GPR137C: variants seen among roughly 807,000 people sequenced by gnomAD.
The protein encoded by GPR137C is integral membrane protein GPR137C.
Under a neutral mutation model 43.4 loss-of-function variants are expected in GPR137C, and 27 were observed. That is an observed-to-expected ratio of 0.62 (90% confidence interval 0.46 to 0.86). GPR137C has a LOEUF of 0.86. GPR137C is among the 40% of genes least tolerant of loss of function. The probability of loss-of-function intolerance (pLI) is 0.00; values close to 1 mark genes in which losing one functional copy is unlikely to be tolerated. For synonymous variants in GPR137C, 285 were observed against 226.9 expected, an observed-to-expected ratio of 1.26 and a Z score of -2.30; for missense variants, 522 against 534.6, an observed-to-expected ratio of 0.98 and a Z score of 0.23.
chr14:52,556,694 A>G (rs2038200038), intron 1 of GPR137C, among the ~76,000 whole-genome samples: 2 of 152,142 alleles, frequency 1.3e-5, no homozygotes. Flanking sequence ...TCTATCTACC[A>G]TTAGAACATA....
At chr14:52,627,819 G>C (rs1479694915) in intron 3 of GPR137C, among the ~76,000 whole-genome samples, 1 of 152,052 alleles carries the variant, frequency 6.6e-6, no homozygotes, top group East Asian at 1.9e-4. Flanking sequence ...ACTCCAGCCT[G>C]GCGACAGAGC....
intron 1 of GPR137C, among the ~76,000 whole-genome samples, chr14:52,593,464 C>T (rs964974274): frequency 6.6e-6 from 1 of 152,034 alleles, no homozygotes; most frequent in Non-Finnish European, 1.5e-5. Context: ...TGGTCCTGGA[C>T]GTTTTTTGGT....
intron 1 of GPR137C, among the ~76,000 whole-genome samples, chr14:52,579,179 G>A (rs920927613): frequency 1.3e-5 from 2 of 152,134 alleles, no homozygotes; most frequent in African/African-American, 4.8e-5. Context: ...AGAGGGTTGG[G>A]GTGGGGGAGA....
chr14:52,591,318 T>A (rs1334499298), intron 1 of GPR137C, among the ~76,000 whole-genome samples: 1 of 152,232 alleles, frequency 6.6e-6, no homozygotes, highest in Non-Finnish European at 1.5e-5. Flanking sequence ...TATAGTAGCA[T>A]GGTTTATAAT....
chr14:52,595,778 C>T (rs956472477), intron 1 of GPR137C, among the ~76,000 whole-genome samples: 1 of 152,100 alleles, frequency 6.6e-6, no homozygotes, highest in Non-Finnish European at 1.5e-5. Context: ...TCCTTTAGCT[C>T]GGAGAAGTTT....
At chr14:52,597,848 T>C (rs2038875302) in intron 1 of GPR137C, among the ~76,000 whole-genome samples, 1 of 152,200 alleles carries the variant, frequency 6.6e-6, no homozygotes. Flanking sequence ...GCTTTACAAA[T>C]TCATTTCATT....
At chr14:52,569,374 A>AT (rs2038428584) in intron 1 of GPR137C, among the ~76,000 whole-genome samples, 1 of 151,976 alleles carries the variant, frequency 6.6e-6, no homozygotes, top group East Asian at 1.9e-4. Flanking sequence ...AAAAAAAAAA[A>AT]TGCATCTACT....
intron 1 of GPR137C, among the ~76,000 whole-genome samples, chr14:52,585,684 A>G (rs905795970): frequency 2.6e-5 from 4 of 151,448 alleles, no homozygotes; most frequent in Admixed American, 2.6e-4. Context: ...AAAACACAAA[A>G]ATTAGCCAGG....
chr14:52,610,780 C>T (rs2139548630), intron 3 of GPR137C, among the ~76,000 whole-genome samples: 1 of 152,308 alleles, frequency 6.6e-6, no homozygotes, highest in East Asian at 1.9e-4. Context: ...AATAAGCCTT[C>T]ACAACTGGGT....
intron 1 of GPR137C, among the ~76,000 whole-genome samples, chr14:52,589,958 A>G (rs1479411558): frequency 6.6e-6 from 1 of 152,204 alleles, no homozygotes; most frequent in East Asian, 1.9e-4. Context: ...TTATGTATTT[A>G]CTATTATTTT....
intron 1 of GPR137C, among the ~76,000 whole-genome samples, chr14:52,581,671 A>T (rs1192491866): frequency 1.3e-5 from 2 of 152,236 alleles, no homozygotes; most frequent in East Asian, 3.8e-4. Context: ...TACTCTCTAT[A>T]GGAACTTAAG....
chr14:52,601,509 TAG>T (rs1231851785), intron 3 of GPR137C, among the ~76,000 whole-genome samples: 19 of 149,746 alleles, frequency 1.3e-4, no homozygotes, highest in South Asian at 2.1e-4. Flanking sequence ...TATATATATA[TAG>T]AGAGAGAGAG....
At chr14:52,605,638 A>T (rs571148474) in intron 3 of GPR137C, among the ~76,000 whole-genome samples, 3 of 152,310 alleles carry the variant, frequency 2.0e-5, no homozygotes, top group East Asian at 3.9e-4. Flanking sequence ...TTTTAGTGGA[A>T]AGGCTTTCAA....
At chr14:52,569,374 A>G (rs2038428475) in intron 1 of GPR137C, among the ~76,000 whole-genome samples, 1 of 151,976 alleles carries the variant, frequency 6.6e-6, no homozygotes, top group East Asian at 1.9e-4. Flanking sequence ...AAAAAAAAAA[A>G]TGCATCTACT....
chr14:52,620,703 T>C (rs747816943), intron 3 of GPR137C, among the ~76,000 whole-genome samples: 1 of 150,604 alleles, frequency 6.6e-6, no homozygotes, highest in South Asian at 2.1e-4. Context: ...GATAAATAAA[T>C]AGGAAATCTC....
intron 3 of GPR137C, among the ~76,000 whole-genome samples, chr14:52,623,807 G>A (rs751386200): frequency 1.3e-5 from 2 of 152,120 alleles, no homozygotes; most frequent in East Asian, 3.9e-4. Context: ...CAGGGACGTT[G>A]GATGTTGGGA....
chr14:52,613,107 A>G (rs879906557), intron 3 of GPR137C: 1 of 152,030 alleles, frequency 6.6e-6, no homozygotes, highest in Non-Finnish European at 1.5e-5. Context: ...TTTGCCCGGC[A>G]TGGTGGCGGG....
At chr14:52,587,204 C>G (rs766263699) in intron 1 of GPR137C, among the ~76,000 whole-genome samples, 7 of 152,060 alleles carry the variant, frequency 4.6e-5, no homozygotes, top group Non-Finnish European at 1.0e-4. Context: ...GTATTGGGCT[C>G]TATATCTGAG....
chr14:52,632,895 T>C (rs1319444270), intron 4 of GPR137C, among the ~76,000 whole-genome samples: 1 of 152,156 alleles, frequency 6.6e-6, no homozygotes, highest in Non-Finnish European at 1.5e-5. Flanking sequence ...ACATACATTT[T>C]GACATAGCTA....
Sources: gnomAD v4.1 joint callset for allele counts (sites outside exome capture counted in the v4.1 genomes callset) on GRCh38, gnomAD v4.1.1 for gene constraint, MANE v1.5 for transcripts, NCBI Gene and HGNC (gene_info 2026-07-23, HGNC 2026-07-21) for gene names.